The following DDX10 variants were observed in gnomAD, a reference collection of about 807,000 sequenced individuals.
DDX10 encodes the protein DEAD-box helicase 10.
DDX10 carries 74 observed loss-of-function variants against 104.3 expected under a neutral mutation model. That is an observed-to-expected ratio of 0.71 (90% CI 0.59 to 0.86). DDX10 has a LOEUF of 0.86. Ranked by LOEUF, DDX10 falls within the 40% of genes least tolerant of loss-of-function variation. The pLI, the probability that DDX10 is intolerant of heterozygous loss-of-function variation, is 0.00. For synonymous variants in DDX10, 351 were observed against 353.4 expected, an observed-to-expected ratio of 0.99 and a Z score of 0.08; for missense variants, 952 against 1,040.0, an observed-to-expected ratio of 0.92 and a Z score of 1.16.
intron 13 of DDX10, among the ~76,000 whole-genome samples, chr11:108,819,448 A>G (rs1374416622): frequency 1.3e-5 from 2 of 152,122 alleles, no homozygotes; most frequent in Admixed American, 1.3e-4. Flanking sequence ...GAAATGACAC[A>G]TTTTTTCGAA....
At chr11:108,932,277 A>G (rs1486364815) in intron 17 of DDX10, among the ~76,000 whole-genome samples, 1 of 151,982 alleles carries the variant, frequency 6.6e-6, no homozygotes, top group Non-Finnish European at 1.5e-5. Flanking sequence ...AGTTCACTTT[A>G]AAGTCTTGGT....
At chr11:108,853,887 A>G (rs916391461) in intron 16 of DDX10, among the ~76,000 whole-genome samples, 2 of 152,220 alleles carry the variant, frequency 1.3e-5, no homozygotes, top group Non-Finnish European at 2.9e-5. Flanking sequence ...CTAAGAACAG[A>G]AAGAAGAGCT....
chr11:108,775,504 T>A (rs139855874), intron 13 of DDX10, among the ~76,000 whole-genome samples: 2 of 152,352 alleles, frequency 1.3e-5, no homozygotes, highest in East Asian at 3.9e-4. Flanking sequence ...GAGACCTATG[T>A]GTCTGTTTGA....
At chr11:108,937,608 C>G (rs1000875605) in intron 17 of DDX10, among the ~76,000 whole-genome samples, 1 of 152,100 alleles carries the variant, frequency 6.6e-6, no homozygotes, top group Non-Finnish European at 1.5e-5. Flanking sequence ...ACAAAAATTT[C>G]AAAATCATCA....
chr11:108,728,091 T>C (rs953285464), intron 13 of DDX10, among the ~76,000 whole-genome samples: 2 of 151,966 alleles, frequency 1.3e-5, no homozygotes, highest in Non-Finnish European at 2.9e-5. Context: ...ACAAGCCCAT[T>C]TGAAAATTAT....
At chr11:108,823,982 A>T (rs1319127908) in intron 13 of DDX10, among the ~76,000 whole-genome samples, 5 of 150,288 alleles carry the variant, frequency 3.3e-5, no homozygotes, top group Non-Finnish European at 3.0e-5. Flanking sequence ...GATCGCTGAG[A>T]TACTCCCCTA....
intron 13 of DDX10, among the ~76,000 whole-genome samples, chr11:108,765,428 C>G (rs1432936215): frequency 2.6e-5 from 4 of 152,172 alleles, no homozygotes; most frequent in Non-Finnish European, 5.9e-5. Flanking sequence ...CTTTCAGAAA[C>G]ATTACTTAAG....
chr11:108,926,188 C>T (rs1316280601), intron 17 of DDX10, among the ~76,000 whole-genome samples: 1 of 151,912 alleles, frequency 6.6e-6, no homozygotes, highest in Non-Finnish European at 1.5e-5. Context: ...ACCTTCTAAA[C>T]TGCTGTGGAG....
intron 13 of DDX10, among the ~76,000 whole-genome samples, chr11:108,750,589 T>C (rs1428606946): frequency 6.6e-6 from 1 of 152,032 alleles, no homozygotes; most frequent in Non-Finnish European, 1.5e-5. Flanking sequence ...ATGTTTCTAA[T>C]GTGTAATATA....
At chr11:108,706,908 AC>A (rs1358943458) in intron 10 of DDX10, 71 bp downstream of exon 10, 9 of 1,288,044 alleles carry the variant, frequency 7.0e-6, no homozygotes, top group Non-Finnish European at 1.0e-5. Flanking sequence ...AATTATGTGC[AC>A]CTAATTTGCC....
chr11:108,700,063 C>A (rs1017416007), intron 9 of DDX10, among the ~76,000 whole-genome samples: 1 of 152,160 alleles, frequency 6.6e-6, no homozygotes, highest in Non-Finnish European at 1.5e-5. Flanking sequence ...TGAGGACTCT[C>A]ACCTAGCAAA....
chr11:108,834,785 G>A (rs1352777406), intron 13 of DDX10, among the ~76,000 whole-genome samples: 2 of 150,310 alleles, frequency 1.3e-5, no homozygotes, highest in East Asian at 1.9e-4. Context: ...AAAATTAGCC[G>A]GGCGTGGTGG....
intron 16 of DDX10, among the ~76,000 whole-genome samples, chr11:108,856,149 G>A (rs1862865814): frequency 6.6e-6 from 1 of 152,140 alleles, no homozygotes; most frequent in Non-Finnish European, 1.5e-5. Context: ...AAAACTCTAG[G>A]CCGGGCATGG....
At chr11:108,760,192 A>G (rs2094349119) in intron 13 of DDX10, among the ~76,000 whole-genome samples, 1 of 151,688 alleles carries the variant, frequency 6.6e-6, no homozygotes, top group South Asian at 2.1e-4. Context: ...AGCATTCAAT[A>G]TGCTTAAGTG....
chr11:108,902,656 AC>A (rs1021855163), intron 16 of DDX10, among the ~76,000 whole-genome samples: 11 of 151,980 alleles, frequency 7.2e-5, no homozygotes, highest in Admixed American at 7.2e-4. Context: ...ATTTCTTTAA[AC>A]CTCTCTGGCA....
At chr11:108,668,390 G>T (rs554201096) in intron 1 of DDX10, among the ~76,000 whole-genome samples, 1 of 150,994 alleles carries the variant, frequency 6.6e-6, no homozygotes, top group Non-Finnish European at 1.5e-5. Context: ...TTTTTCCCCC[G>T]CTAAGCATTG....
intron 13 of DDX10, among the ~76,000 whole-genome samples, chr11:108,756,755 A>G (rs973240991): frequency 6.6e-6 from 1 of 151,994 alleles, no homozygotes; most frequent in African/African-American, 2.4e-5. Context: ...GTTTCAGAAT[A>G]TCTGTCTGTG....
intron 10 of DDX10, among the ~76,000 whole-genome samples, chr11:108,712,544 C>G (rs73005544): frequency 0.069 from 10,473 of 152,066 alleles, 402 homozygotes; most frequent in Middle Eastern, 0.13. Flanking sequence ...TACAGCACTT[C>G]ACAGGTAGTG....
chr11:108,682,450 T>C (rs113688247), intron 6 of DDX10, among the ~76,000 whole-genome samples: 3 of 152,236 alleles, frequency 2.0e-5, no homozygotes, highest in East Asian at 1.9e-4. Context: ...GCAACTTTCT[T>C]TGAGTTAGCA....
Sources: allele counts gnomAD v4.1 joint callset (sites outside exome capture counted in the v4.1 genomes callset), GRCh38; gene constraint gnomAD v4.1.1; transcripts MANE v1.5; gene names NCBI Gene and HGNC (gene_info 2026-07-23, HGNC 2026-07-21).